Variants in SRGAP2C observed in about 807,000 individuals in gnomAD.
The protein encoded by SRGAP2C is SLIT-ROBO Rho GTPase-activating protein 2C.
In SRGAP2C, 15 loss-of-function variants were observed where a neutral mutation model predicts 25.1. The ratio of observed to expected loss-of-function variants is 0.60; its 90% CI spans 0.40 to 0.92. The LOEUF (loss-of-function observed/expected upper bound fraction) is 0.92. Among genes scored for constraint, SRGAP2C ranks in the 40% least tolerant of loss-of-function variants. The pLI is 0.00. For missense variants in SRGAP2C, 144 were observed against 264.4 expected, an observed-to-expected ratio of 0.54 and a Z score of 3.16; for synonymous variants, 44 against 96.6, an observed-to-expected ratio of 0.46 and a Z score of 3.19.
At chr1:121,372,097 G>A (rs1164601489) in intron 5 of SRGAP2C, among the ~76,000 whole-genome samples, 2 of 151,340 alleles carry the variant, frequency 1.3e-5, no homozygotes, top group African/African-American at 2.4e-5. Flanking sequence ...TAAAATTTAC[G>A]GGAAGTAGTG....
chr1:121,287,671 AC>A (rs1657400462), intron 3 of SRGAP2C, among the ~76,000 whole-genome samples: 1 of 152,212 alleles, frequency 6.6e-6, no homozygotes, highest in East Asian at 1.9e-4. Context: ...ACTTGGTCTC[AC>A]TGACTTCAAG....
In SRGAP2C at chr1:121,392,166, CAA is replaced by C. The variant is rs1446206319; in HGVS notation, c.*4312_*4313del. On this transcript the variant is annotated 3_prime_UTR_variant, in exon 10 of 10. Transcript: ENST00000367123. ...AGAAACAGAAAGAATAAAAAATAAA[CAA>C]TGAGCAGAGACTAATGAATTTGTGG... 1 of 152,106 alleles carries C rather than the reference CAA, an allele frequency of 6.6e-6. No homozygotes were observed. Among genetic ancestry groups the C allele is most frequent in the Non-Finnish European group, 1.5e-5 (1 of 67,992 alleles). The allele number at this position is 152,106 out of a possible 1,614,324, so 9.4% of individuals were successfully genotyped here. A position where few individuals can be genotyped will look rare whatever the true frequency, so the allele number is the denominator to read the frequency against.
intron 2 of SRGAP2C, among the ~76,000 whole-genome samples, chr1:121,267,576 T>G (rs1553334561): frequency 7.5e-6 from 1 of 133,364 alleles, no homozygotes; most frequent in African/African-American, 2.9e-5. Context: ...AAAAATATTA[T>G]AGTGGGGAGT....
intron 5 of SRGAP2C, among the ~76,000 whole-genome samples, chr1:121,368,593 A>T (rs1659406127): frequency 6.6e-6 from 1 of 151,944 alleles, no homozygotes. Context: ...CGAGGTTAAA[A>T]AGGGTTAATT....
chr1:121,300,089 G>A (rs1553338694), intron 3 of SRGAP2C, among the ~76,000 whole-genome samples: 4 of 142,140 alleles, frequency 2.8e-5, no homozygotes, highest in Middle Eastern at 3.5e-3. Context: ...TGTTTTCTCC[G>A]GTAATGGGTG....
intron 7 of SRGAP2C, among the ~76,000 whole-genome samples, chr1:121,379,138 T>C (rs1659746740): frequency 6.6e-6 from 1 of 152,218 alleles, no homozygotes; most frequent in South Asian, 2.1e-4. Context: ...TGCACCCAAG[T>C]CGGACATGAG....
intron 8 of SRGAP2C, among the ~76,000 whole-genome samples, chr1:121,385,762 A>G (rs1553356247): frequency 6.6e-6 from 1 of 151,948 alleles, no homozygotes. Context: ...CTCATCTGTC[A>G]TCCAGGGGAC....
chr1:121,391,727 G>T lies in SRGAP2C; in HGVS notation c.*3872G>T, dbSNP rs1553357977. 1 of 152,288 alleles carries T rather than the reference G, an allele frequency of 6.6e-6. No homozygotes were observed. The highest frequency in any genetic ancestry group is 2.4e-5 in the African/African-American group (1 of 41,508). The allele number at this position is 152,288 out of a possible 1,614,324, so 9.4% of individuals were successfully genotyped here. ...CCACAAAACATTACTGTGTTTGTAG[G>T]GGGAGGTCTGATTTACAGAGTAACC... On this transcript the variant is annotated 3_prime_UTR_variant, in exon 10 of 10. Coordinates refer to ENST00000367123, the MANE Select transcript of SRGAP2C (RefSeq NM_001329984.2).
chr1:121,259,841 TA>T (rs1656576623), intron 2 of SRGAP2C, among the ~76,000 whole-genome samples: 1 of 145,012 alleles, frequency 6.9e-6, no homozygotes, highest in East Asian at 2.0e-4. Flanking sequence ...TTTCTTCTTC[TA>T]CTTTTTTTTT....
intron 3 of SRGAP2C, among the ~76,000 whole-genome samples, chr1:121,286,735 C>A (rs1390448135): frequency 6.6e-6 from 1 of 151,902 alleles, no homozygotes; most frequent in African/African-American, 2.4e-5. Flanking sequence ...AAGGTGCACG[C>A]TTTTTGGCTT....
chr1:121,339,309 T>G (rs1252867799), intron 4 of SRGAP2C, among the ~76,000 whole-genome samples: 4 of 147,822 alleles, frequency 2.7e-5, no homozygotes, highest in African/African-American at 1.0e-4. Context: ...TGGAGTACAG[T>G]GGCGTGATCT....
At position 121,391,113 on chromosome 1, in the gene SRGAP2C, C is replaced by A. The variant is rs1362798088; in HGVS notation, c.*3258C>A. The A allele has an allele frequency of 6.6e-6, 1 of 151,654 alleles. No individual in the cohort carries two copies. Among genetic ancestry groups the A allele is most frequent in the Non-Finnish European group, 1.5e-5 (1 of 67,930 alleles). 9.4% of individuals were successfully genotyped at this position (151,654 alleles called of 1,614,324 possible). On this transcript the variant is annotated 3_prime_UTR_variant, in exon 10 of 10. Coordinates refer to ENST00000367123, the MANE Select transcript of SRGAP2C (RefSeq NM_001329984.2). Reference sequence around the variant, plus strand: ...GTGGCTCACGCCTGTAATCCCAGCACTTTGGGAGGCCGAGGCGGGTGGATC... The same window carrying A: ...GTGGCTCACGCCTGTAATCCCAGCAATTTGGGAGGCCGAGGCGGGTGGATC...
At chr1:121,218,974 A>G (rs1655465427) in intron 2 of SRGAP2C, among the ~76,000 whole-genome samples, 1 of 152,156 alleles carries the variant, frequency 6.6e-6, no homozygotes, top group African/African-American at 2.4e-5. Flanking sequence ...CCACCACTAC[A>G]ACCTTTTACT....
intron 4 of SRGAP2C, among the ~76,000 whole-genome samples, chr1:121,345,317 ACT>A (rs1312882965): frequency 6.6e-6 from 1 of 152,064 alleles, no homozygotes; most frequent in Non-Finnish European, 1.5e-5. Flanking sequence ...ATGCTTGTTA[ACT>A]GAAACAATTC....
chr1:121,226,061 C>T (rs1553326496), intron 2 of SRGAP2C, among the ~76,000 whole-genome samples: 1 of 151,986 alleles, frequency 6.6e-6, no homozygotes, highest in African/African-American at 2.4e-5. Flanking sequence ...CAAAGAGGGC[C>T]TGAAATGGTG....
chr1:121,347,650 T>G (rs1289541218), intron 4 of SRGAP2C, among the ~76,000 whole-genome samples: 1 of 152,240 alleles, frequency 6.6e-6, no homozygotes, highest in Admixed American at 6.5e-5. Flanking sequence ...AATGCAGAAC[T>G]GACGAGTCCA....
chr1:121,236,533 C>T (rs1269798212), intron 2 of SRGAP2C, among the ~76,000 whole-genome samples: 5 of 152,026 alleles, frequency 3.3e-5, no homozygotes, highest in Non-Finnish European at 7.4e-5. Context: ...AACTTTTCTC[C>T]TTTGGGCCCT....
At chr1:121,355,935 T>TA (rs1659056912) in intron 4 of SRGAP2C, among the ~76,000 whole-genome samples, 1 of 108,062 alleles carries the variant, frequency 9.3e-6, no homozygotes, top group Non-Finnish European at 1.8e-5. Flanking sequence ...AGAAAGCTGA[T>TA]ACAGGCTCAA....
At chr1:121,237,461 G>T (rs1190627290) in intron 2 of SRGAP2C, among the ~76,000 whole-genome samples, 1 of 152,178 alleles carries the variant, frequency 6.6e-6, no homozygotes, top group Non-Finnish European at 1.5e-5. Context: ...ACACTTCATT[G>T]TATCAACTGG....
Sources: gnomAD v4.1 joint callset for allele counts (sites outside exome capture counted in the v4.1 genomes callset) on GRCh38, gnomAD v4.1.1 for gene constraint, MANE v1.5 for transcripts, NCBI Gene and HGNC (gene_info 2026-07-23, HGNC 2026-07-21) for gene names.